The following OXTR variants were observed in gnomAD, a reference collection of about 807,000 sequenced individuals.
OXTR encodes oxytocin receptor.
Under a neutral mutation model 23.9 loss-of-function variants are expected in OXTR, and 19 were observed. The ratio of observed to expected loss-of-function variants is 0.80; its 90% CI spans 0.56 to 1.17. OXTR has a LOEUF of 1.17. Ranked by LOEUF, OXTR falls within the 50% of genes most tolerant of loss-of-function variation. The pLI, the probability that OXTR is intolerant of heterozygous loss-of-function variation, is 0.00. For missense variants in OXTR, 500 were observed against 550.7 expected (o/e 0.91, Z 0.92); for synonymous variants, 278 against 250.5 (o/e 1.11, Z -1.04).
At chr3:8,744,445 ATTTTTTTT>A in the OXTR span, among the ~76,000 whole-genome samples, 88 of 111,380 alleles carry the variant, frequency 7.9e-4, 1 homozygote, top group African/African-American at 3.2e-3. Context: ...TACCCGGCTA[ATTTTTTTT>A]TTTTTTTTTT....
chr3:8,753,260 C>T (rs762777771), intron 3 of OXTR, 36 bp from the exon 4 acceptor site: 6 of 1,606,836 alleles, frequency 3.7e-6, no homozygotes, highest in South Asian at 3.3e-5. Flanking sequence ...GAGAAAAGGG[C>T]ATTAATTAAC....
rs529745670 is a variant in OXTR, at chr3:8,752,643, C to T, written c.*334G>A. 8 of 262,968 alleles carry T rather than the reference C, an allele frequency of 3.0e-5. No individual in the cohort carries two copies. Among genetic ancestry groups the T allele is most frequent in the East Asian group, 1.7e-4 (2 of 11,854 alleles). 16.3% of individuals were successfully genotyped at this position (262,968 alleles called of 1,614,324 possible). A position where few individuals can be genotyped will look rare whatever the true frequency, so the allele number is the denominator to read the frequency against. On this transcript the variant is annotated 3_prime_UTR_variant, in exon 4 of 4. Coordinates refer to ENST00000316793, the MANE Select transcript of OXTR (RefSeq NM_000916.4). ...AATTGGTCACCAATCCTATATTTAC[C>T]GCTTTTCACAATATCCCAGAATGAA...
intron 1 of OXTR, 127 bp downstream of exon 1, chr3:8,769,104 A>G (rs933366558): frequency 2.6e-5 from 4 of 152,130 alleles, no homozygotes; most frequent in African/African-American, 9.7e-5. Flanking sequence ...GTCACTTTAC[A>G]ATCTCTCGGA....
chr3:8,761,560 C>G (rs968580105), intron 3 of OXTR, among the ~76,000 whole-genome samples: 1 of 152,128 alleles, frequency 6.6e-6, no homozygotes, highest in Non-Finnish European at 1.5e-5. Context: ...TGGCTGGGTT[C>G]CAATCCCAGC....
intron 3 of OXTR, among the ~76,000 whole-genome samples, chr3:8,758,540 G>A (rs1312917195): frequency 6.6e-6 from 1 of 152,146 alleles, no homozygotes; most frequent in Non-Finnish European, 1.5e-5. Flanking sequence ...ACTATGGAAG[G>A]CCCTTTCTTA....
the OXTR span, among the ~76,000 whole-genome samples, chr3:8,744,072 C>T: frequency 1.3e-5 from 2 of 152,130 alleles, no homozygotes; most frequent in Non-Finnish European, 2.9e-5. Context: ...TCCTGTTGAT[C>T]TGATTAGTCT....
the OXTR span, among the ~76,000 whole-genome samples, chr3:8,742,821 G>A: frequency 1.3e-5 from 2 of 152,220 alleles, no homozygotes; most frequent in African/African-American, 4.8e-5. Flanking sequence ...ATAGATGAAT[G>A]AGTGGATAGA....
At chr3:8,763,770 C>G (rs1203526361) in intron 3 of OXTR, among the ~76,000 whole-genome samples, 1 of 152,176 alleles carries the variant, frequency 6.6e-6, no homozygotes, top group African/African-American at 2.4e-5. Context: ...CCCATTGGCT[C>G]TTTCTTCGGA....
chr3:8,763,432 C>T (rs1010203258), intron 3 of OXTR, among the ~76,000 whole-genome samples: 1 of 152,214 alleles, frequency 6.6e-6, no homozygotes, highest in Admixed American at 6.5e-5. Context: ...GAGACAGAGA[C>T]CCCAAATCCT....
At position 8,753,340 on chromosome 3, in the gene OXTR, C is replaced by T. The variant is rs1161109943; in HGVS notation, c.923-116G>A. 6 of 1,206,632 alleles carry T rather than the reference C, an allele frequency of 5.0e-6. No individual in the cohort carries two copies. In the East Asian group the frequency reaches 7.7e-5, roughly 15 times the overall value. The allele number at this position is 1,206,632 out of a possible 1,614,324, so 74.7% of individuals were successfully genotyped here. Reference sequence around the variant, plus strand: ...GAGCGACAGCCTTGTCCAAGTACTACATCCTGAATCACAAGATGAGGTACT... The same window carrying T: ...GAGCGACAGCCTTGTCCAAGTACTATATCCTGAATCACAAGATGAGGTACT... On this transcript the variant is annotated intron_variant, in intron 3 of 3. Transcript: ENST00000316793.
chr3:8,750,195 C>A (rs772227522), downstream of OXTR, among the ~76,000 whole-genome samples: 21 of 152,196 alleles, frequency 1.4e-4, no homozygotes, highest in Non-Finnish European at 2.8e-4. Context: ...TACAAGGCAT[C>A]ACTTGTGCCT....
chr3:8,756,742 A>C (rs974056950), intron 3 of OXTR, among the ~76,000 whole-genome samples: 2 of 152,200 alleles, frequency 1.3e-5, no homozygotes, highest in African/African-American at 4.8e-5. Context: ...GGCCAAAAGG[A>C]GCTGCCACCA....
rs1708238346 is a variant in OXTR, at chr3:8,750,778, T to C, written c.*2199A>G. ...CAGACCACATTTTATTTCCCATTCA[T>C]CAGTTGGTAGACATTTGGGTTGTTT... is the stretch of plus-strand genomic sequence containing the variant. On this transcript the variant is annotated 3_prime_UTR_variant, in exon 4 of 4. Transcript: ENST00000316793. The C allele has an allele frequency of 6.6e-6, 1 of 152,232 alleles. No homozygotes were observed. The highest frequency in any genetic ancestry group is 2.4e-5 in the African/African-American group (1 of 41,448). 9.4% of individuals were successfully genotyped at this position (152,232 alleles called of 1,614,324 possible).
Position 8,768,230 on chromosome 3 carries a change from C to G in OXTR, c.-43G>C, listed in dbSNP as rs372617558. ...TGCGCCCCGGCCTTCGAGCCCTTTA[C>G]GGCTTGGCGCGGCTGGGCCGGATCC... On this transcript the variant is annotated 5_prime_UTR_variant, in exon 3 of 4. Coordinates refer to ENST00000316793, the MANE Select transcript of OXTR (RefSeq NM_000916.4). This position sits in a 1 kb window ranked among gnomAD's most constrained non-coding sequence, Gnocchi z 5.4. 1 of 1,268,232 alleles carries G rather than the reference C, an allele frequency of 7.9e-7. No individual in the cohort carries two copies. Among genetic ancestry groups the G allele is most frequent in the African/African-American group, 1.6e-5 (1 of 64,104 alleles). 78.6% of individuals were successfully genotyped at this position (1,268,232 alleles called of 1,614,324 possible).
chr3:8,760,107 A>C (rs1708455031), intron 3 of OXTR, among the ~76,000 whole-genome samples: 1 of 151,824 alleles, frequency 6.6e-6, no homozygotes. Flanking sequence ...AATGACTCCC[A>C]CTCCATCAGC....
chr3:8,758,007 G>C (rs1230487551), intron 3 of OXTR, among the ~76,000 whole-genome samples: 1 of 152,124 alleles, frequency 6.6e-6, no homozygotes, highest in Non-Finnish European at 1.5e-5. Context: ...CACAAGAGCT[G>C]GGGACTAGGG....
intron 3 of OXTR, among the ~76,000 whole-genome samples, chr3:8,763,710 C>T (rs1352459603): frequency 2.0e-5 from 3 of 152,186 alleles, no homozygotes; most frequent in Non-Finnish European, 4.4e-5. Context: ...CAGCACCCGA[C>T]GGCATCCGGC....
intron 3 of OXTR, among the ~76,000 whole-genome samples, chr3:8,761,392 G>T (rs1220529568): frequency 6.6e-6 from 1 of 152,178 alleles, no homozygotes; most frequent in Non-Finnish European, 1.5e-5. Flanking sequence ...GCCAGATAGT[G>T]GGGGAGGGTT....
At position 8,767,395 on chromosome 3, in the gene OXTR, G is replaced by A; in HGVS notation, c.793C>T (p.Leu265Phe). The change falls in exon 3 of 4, where the codon CTC becomes TTC. Residue 265 changes from leucine (L) to phenylalanine (F), a missense_variant. Leu to Phe is a conservative substitution (Grantham distance 22). Transcript: ENST00000316793. ...GTGCGGATCTTGGCCTTGGAGATGA[G>A]CTTGACGCTGCTGACACGCGCCAGG... ...VALARVSSVK[L>F]ISKAKIRTVK... The A allele has an allele frequency of 5.0e-6, 8 of 1,612,316 alleles. No individual in the cohort carries two copies. The highest frequency in any genetic ancestry group is 6.8e-6 in the Non-Finnish European group (8 of 1,179,384).
Sources: allele counts gnomAD v4.1 joint callset (sites outside exome capture counted in the v4.1 genomes callset), GRCh38; gene constraint gnomAD v4.1.1; non-coding constraint Gnocchi (gnomAD v3.1); transcripts MANE v1.5; gene names NCBI Gene and HGNC (gene_info 2026-07-23, HGNC 2026-07-21).